Variants in COL25A1 observed in about 807,000 individuals in gnomAD.
The protein encoded by COL25A1 is collagen type XXV alpha 1 chain.
COL25A1 carries 103 observed loss-of-function variants against 128.4 expected under a neutral mutation model. The observed-to-expected ratio is 0.80, with a 90% CI of 0.68 to 0.94. The LOEUF (loss-of-function observed/expected upper bound fraction) is 0.94, where lower values mean the gene tolerates loss of function less well. Among genes scored for constraint, COL25A1 ranks in the 40% least tolerant of loss-of-function variants. The pLI is 0.00. For synonymous variants in COL25A1, 279 were observed against 277.2 expected, an observed-to-expected ratio of 1.01 and a Z score of -0.06; for missense variants, 745 against 840.0, an observed-to-expected ratio of 0.89 and a Z score of 1.40.
chr4:109,109,296 T>G (rs549152643), intron 3 of COL25A1, among the ~76,000 whole-genome samples: 2 of 152,274 alleles, frequency 1.3e-5, no homozygotes, highest in Non-Finnish European at 2.9e-5. Flanking sequence ...GAAATCGGAA[T>G]TTCTCCTTGA....
In COL25A1 at chr4:108,913,060, GATC is replaced by G. The variant is rs1377305591; in HGVS notation, c.780+5109_780+5111del. 2.6e-5 allele frequency among the ~76,000 whole-genome samples: 4 copies of G among 151,998 alleles called. No individual in the cohort carries two copies. In the East Asian group the frequency reaches 7.8e-4, roughly 29 times the overall value. ...AAGCACTTAAAATTGCACGAATCAA[GATC>G]ATCTGATATTTATCTTTTTTTTTGG... is the stretch of plus-strand genomic sequence containing the variant. On this transcript the variant is annotated intron_variant, in intron 13 of 37. Transcript: ENST00000399132.
rs1749111048 is a variant in COL25A1 at position 108,949,148 on chromosome 4, T to G, written c.493-7711A>C. On this transcript the variant is annotated intron_variant, in intron 8 of 37. Transcript: ENST00000399132. ...AACAGCCTTGCAGTCTGGGATGATG[T>G]AGAAAAATAAAACTGTATTGATTTT... Among the ~76,000 whole-genome samples the G allele has an allele frequency of 2.6e-5, 4 of 152,296 alleles. No individual in the cohort carries two copies. In the South Asian group the frequency reaches 8.3e-4, roughly 32 times the overall value.
chr4:108,913,699 CACCTT>C (rs1240173968), intron 13 of COL25A1, among the ~76,000 whole-genome samples: 2 of 152,142 alleles, frequency 1.3e-5, no homozygotes, highest in Non-Finnish European at 2.9e-5. Context: ...GTTTTAATAA[CACCTT>C]TTAACAGTTC....
rs1361172941 is a variant in COL25A1, at chr4:108,811,739, G to C, written c.*2188C>G. The C allele has an allele frequency of 6.6e-6, 1 of 152,080 alleles. No individual in the cohort carries two copies. The highest frequency in any genetic ancestry group is 1.9e-4 in the East Asian group (1 of 5,194). The allele number at this position is 152,080 out of a possible 1,614,324, so 9.4% of individuals were successfully genotyped here. On this transcript the variant is annotated 3_prime_UTR_variant, in exon 38 of 38. Transcript: ENST00000399132. Reference sequence around the variant, plus strand: ...AAATGTCCTCCATTATTTTCAAAATGCTAAACTGGCTTAGGGGTGTGGAAT... The same window carrying C: ...AAATGTCCTCCATTATTTTCAAAATCCTAAACTGGCTTAGGGGTGTGGAAT...
intron 8 of COL25A1, among the ~76,000 whole-genome samples, chr4:108,962,181 G>A (rs1054213464): frequency 4.7e-5 from 7 of 148,228 alleles, no homozygotes; most frequent in Non-Finnish European, 1.0e-4. Context: ...TCTCTACCTC[G>A]ATTCTTTTTT....
chr4:108,983,111 G>C (rs772469953), intron 6 of COL25A1, among the ~76,000 whole-genome samples: 1 of 152,108 alleles, frequency 6.6e-6, no homozygotes, highest in Non-Finnish European at 1.5e-5. Context: ...TCAAAACGAA[G>C]GGAACCCTTC....
intron 30 of COL25A1, among the ~76,000 whole-genome samples, chr4:108,842,963 G>A (rs1734620204): frequency 6.6e-6 from 1 of 151,926 alleles, no homozygotes; most frequent in Non-Finnish European, 1.5e-5. Context: ...TGGGCAATGT[G>A]GTGAAACTTC....
chr4:108,909,815 C>A (rs1001072726), intron 13 of COL25A1, among the ~76,000 whole-genome samples: 1 of 152,194 alleles, frequency 6.6e-6, no homozygotes, highest in Admixed American at 6.5e-5. Context: ...CCACTCCCTG[C>A]CTGATAATTT....
intron 8 of COL25A1, among the ~76,000 whole-genome samples, chr4:108,962,325 C>T (rs1188773527): frequency 1.3e-5 from 2 of 151,922 alleles, no homozygotes; most frequent in Non-Finnish European, 2.9e-5. Flanking sequence ...GTAGCTGGGA[C>T]TATAGGCGCT....
chr4:108,999,782 A>C (rs889335096), intron 6 of COL25A1, among the ~76,000 whole-genome samples: 1 of 152,246 alleles, frequency 6.6e-6, no homozygotes, highest in Non-Finnish European at 1.5e-5. Flanking sequence ...AATACTATGC[A>C]GCCATAAAAA....
At chr4:108,940,297 T>C (rs1226825481) in intron 10 of COL25A1, among the ~76,000 whole-genome samples, 4 of 152,150 alleles carry the variant, frequency 2.6e-5, no homozygotes, top group Admixed American at 6.5e-5. Context: ...TGTGGTTTGC[T>C]TGGATTCCCA....
chr4:109,086,649 GC>G (rs1764407817), intron 3 of COL25A1, among the ~76,000 whole-genome samples: 1 of 152,100 alleles, frequency 6.6e-6, no homozygotes, highest in African/African-American at 2.4e-5. Context: ...ATCTAAATAA[GC>G]AATCAGTGTT....
chr4:108,921,941 T>A (rs570660379), intron 11 of COL25A1, among the ~76,000 whole-genome samples: 18 of 152,250 alleles, frequency 1.2e-4, no homozygotes, highest in African/African-American at 1.9e-4. Context: ...GACTATCAGG[T>A]GTAAATTCCC....
intron 7 of COL25A1, 58 bp downstream of exon 7, chr4:108,974,475 T>C: frequency 1.2e-6 from 2 of 1,606,966 alleles, no homozygotes; most frequent in Non-Finnish European, 1.7e-6. Flanking sequence ...TGTAACACAG[T>C]ATAGGTCACG....
At chr4:109,032,587 C>T (rs115620100) in intron 5 of COL25A1, among the ~76,000 whole-genome samples, 2 of 152,318 alleles carry the variant, frequency 1.3e-5, no homozygotes, top group African/African-American at 4.8e-5. Flanking sequence ...AAATCAACCA[C>T]CTTAATTTAT....
intron 35 of COL25A1, among the ~76,000 whole-genome samples, chr4:108,823,172 C>T (rs987319777): frequency 2.0e-5 from 3 of 152,194 alleles, no homozygotes; most frequent in African/African-American, 7.2e-5. Flanking sequence ...TTAAATAGAG[C>T]AGGGACATAA....
intron 3 of COL25A1, among the ~76,000 whole-genome samples, chr4:109,270,850 T>G (rs1452480710): frequency 6.6e-6 from 1 of 152,208 alleles, no homozygotes; most frequent in Non-Finnish European, 1.5e-5. Context: ...ATCATAATTA[T>G]CTAATATCTT....
At chr4:109,282,286 T>C (rs184866505) in intron 3 of COL25A1, among the ~76,000 whole-genome samples, 25 of 152,242 alleles carry the variant, frequency 1.6e-4, no homozygotes, top group Admixed American at 8.5e-4. Flanking sequence ...ACAACAGAAA[T>C]GAAAGTTCCT....
At chr4:108,954,014 A>T (rs1749762374) in intron 8 of COL25A1, among the ~76,000 whole-genome samples, 1 of 152,192 alleles carries the variant, frequency 6.6e-6, no homozygotes, top group African/African-American at 2.4e-5. Flanking sequence ...AATCATAAAA[A>T]TGTCAAAATA....
Sources: gnomAD v4.1 joint callset for allele counts (sites outside exome capture counted in the v4.1 genomes callset) on GRCh38, gnomAD v4.1.1 for gene constraint, MANE v1.5 for transcripts, NCBI Gene and HGNC (gene_info 2026-07-23, HGNC 2026-07-21) for gene names.